TCF12: variants seen among roughly 807,000 people sequenced by gnomAD.
TCF12 encodes the protein DNA-binding protein HTF4.
A neutral mutation model predicts 86.0 loss-of-function variants in TCF12; 45 were observed. That is an observed-to-expected ratio of 0.52 (90% confidence interval 0.41 to 0.67). The LOEUF (loss-of-function observed/expected upper bound fraction) is 0.67. Ranked by LOEUF, TCF12 falls within the 30% of genes least tolerant of loss-of-function variation. The pLI is 0.00. For synonymous variants in TCF12, 330 were observed against 299.6 expected, an observed-to-expected ratio of 1.10 and a Z score of -1.05; for missense variants, 881 against 859.9, an observed-to-expected ratio of 1.02 and a Z score of -0.31.
At chr15:57,188,137 A>G (rs1287411080) in intron 6 of TCF12, among the ~76,000 whole-genome samples, 2 of 152,146 alleles carry the variant, frequency 1.3e-5, no homozygotes, top group Non-Finnish European at 2.9e-5. Flanking sequence ...TTAGTAATAA[A>G]CCAAAAATAA....
chr15:57,006,666 C>T (rs1421829216), intron 3 of TCF12, among the ~76,000 whole-genome samples: 1 of 152,048 alleles, frequency 6.6e-6, no homozygotes, highest in African/African-American at 2.4e-5. Context: ...CCTGTAATCC[C>T]AGCACTTTGG....
At chr15:57,176,173 A>G (rs1424983102) in intron 6 of TCF12, among the ~76,000 whole-genome samples, 1 of 152,176 alleles carries the variant, frequency 6.6e-6, no homozygotes, top group Non-Finnish European at 1.5e-5. Flanking sequence ...ACTCCAGCCT[A>G]GGTGACAGAA....
chr15:57,227,854 T>A (rs995931919), intron 8 of TCF12, among the ~76,000 whole-genome samples: 1 of 152,126 alleles, frequency 6.6e-6, no homozygotes, highest in African/African-American at 2.4e-5. Context: ...CTTAAATTAC[T>A]TAATTTTACC....
chr15:57,185,045 A>T (rs183768283), intron 6 of TCF12, among the ~76,000 whole-genome samples: 265 of 152,288 alleles, frequency 1.7e-3, no homozygotes, highest in Non-Finnish European at 2.8e-3. Flanking sequence ...ATCTATTGGA[A>T]TTTGTACAAT....
chr15:57,167,745 G>T (rs1283354736), intron 6 of TCF12, among the ~76,000 whole-genome samples: 1 of 152,152 alleles, frequency 6.6e-6, no homozygotes, highest in African/African-American at 2.4e-5. Context: ...GGTAGTTACT[G>T]GACCAACACT....
chr15:56,958,680 T>A (rs199612299), intron 3 of TCF12, among the ~76,000 whole-genome samples: 206 of 30,524 alleles, frequency 6.7e-3, no homozygotes, highest in East Asian at 0.014. Context: ...AGAGAGAGAG[T>A]GTGTGTGTGT....
chr15:56,925,561 A>T (rs772795660), intron 3 of TCF12, among the ~76,000 whole-genome samples: 1 of 152,218 alleles, frequency 6.6e-6, no homozygotes, highest in African/African-American at 2.4e-5. Flanking sequence ...TTAAAGCCAT[A>T]TAGTCTTTTC....
At chr15:57,172,491 A>G (rs187190510) in intron 6 of TCF12, among the ~76,000 whole-genome samples, 215 of 152,344 alleles carry the variant, frequency 1.4e-3, no homozygotes, top group Middle Eastern at 3.4e-3. Context: ...ACGCTGGTCC[A>G]TAAAACTAGT....
intron 3 of TCF12, among the ~76,000 whole-genome samples, chr15:57,031,231 C>T (rs1250935100): frequency 6.6e-6 from 1 of 152,114 alleles, no homozygotes; most frequent in Non-Finnish European, 1.5e-5. Flanking sequence ...ATGTTGGCTC[C>T]TGTCAAGTGA....
intron 3 of TCF12, among the ~76,000 whole-genome samples, chr15:56,921,876 A>G (rs1170321776): frequency 6.6e-6 from 1 of 152,062 alleles, no homozygotes; most frequent in Non-Finnish European, 1.5e-5. Flanking sequence ...TACATTCTAA[A>G]AAGTTTGTTT....
chr15:57,278,665 C>A, intron 19 of TCF12: 1 of 211,474 alleles, frequency 4.7e-6, no homozygotes. Flanking sequence ...TCATGAACTA[C>A]AAAAGGATCA....
intron 5 of TCF12, among the ~76,000 whole-genome samples, chr15:57,144,662 G>A (rs1342307286): frequency 1.3e-5 from 2 of 152,064 alleles, no homozygotes; most frequent in Non-Finnish European, 2.9e-5. Flanking sequence ...GTGGTGGCAC[G>A]AGCTCAGCTC....
At chr15:57,053,251 C>T (rs1427158626) in intron 3 of TCF12, among the ~76,000 whole-genome samples, 1 of 152,146 alleles carries the variant, frequency 6.6e-6, no homozygotes, top group African/African-American at 2.4e-5. Flanking sequence ...TACCTGTTAG[C>T]CATTTGTATG....
At chr15:56,965,442 A>G (rs542427623) in intron 3 of TCF12, among the ~76,000 whole-genome samples, 1 of 152,308 alleles carries the variant, frequency 6.6e-6, no homozygotes, top group East Asian at 1.9e-4. Flanking sequence ...AGTTTTTGGT[A>G]CTACAAAAAC....
At chr15:56,965,231 T>C (rs2140640723) in intron 3 of TCF12, among the ~76,000 whole-genome samples, 1 of 152,320 alleles carries the variant, frequency 6.6e-6, no homozygotes, top group South Asian at 2.1e-4. Flanking sequence ...TTAATTATAT[T>C]ATGCTCTTCT....
chr15:57,079,461 T>A (rs1407077579), intron 4 of TCF12, among the ~76,000 whole-genome samples: 1 of 152,162 alleles, frequency 6.6e-6, no homozygotes, highest in Non-Finnish European at 1.5e-5. Flanking sequence ...CAAACCATGC[T>A]TTTTGGTAGA....
intron 3 of TCF12, among the ~76,000 whole-genome samples, chr15:57,010,016 G>A (rs1436094956): frequency 2.6e-5 from 4 of 152,152 alleles, no homozygotes; most frequent in African/African-American, 4.8e-5. Context: ...TACAGGTAGT[G>A]CGTTCTTTAT....
chr15:56,982,710 A>T (rs1240920665), intron 3 of TCF12, among the ~76,000 whole-genome samples: 2 of 152,232 alleles, frequency 1.3e-5, no homozygotes, highest in Non-Finnish European at 2.9e-5. Flanking sequence ...AAATAGATTA[A>T]ATAGAATCTT....
intron 3 of TCF12, among the ~76,000 whole-genome samples, chr15:56,985,852 T>C (rs1377838193): frequency 1.3e-5 from 2 of 152,160 alleles, no homozygotes; most frequent in African/African-American, 4.8e-5. Flanking sequence ...CAAATTTTCT[T>C]AGATGATAGA....
Sources: gnomAD v4.1 joint callset for allele counts (sites outside exome capture counted in the v4.1 genomes callset) on GRCh38, gnomAD v4.1.1 for gene constraint, MANE v1.5 for transcripts, NCBI Gene and HGNC (gene_info 2026-07-23, HGNC 2026-07-21) for gene names.